The following DOCK3 variants were observed in gnomAD, a reference collection of about 807,000 sequenced individuals.
DOCK3 encodes the protein dedicator of cytokinesis 3, also known as dedicator of cytokinesis protein 3.
Under a neutral mutation model 265.6 loss-of-function variants are expected in DOCK3, and 60 were observed. That is an observed-to-expected ratio of 0.23 (90% CI 0.18 to 0.28). The LOEUF (loss-of-function observed/expected upper bound fraction) is 0.28. Among genes scored for constraint, DOCK3 ranks in the 10% least tolerant of loss-of-function variants. The pLI is 1.00. For missense variants in DOCK3, 1,981 were observed against 2,594.3 expected (o/e 0.76, Z 5.14); for synonymous variants, 881 against 938.0 (o/e 0.94, Z 1.11).
intron 5 of DOCK3, among the ~76,000 whole-genome samples, chr3:50,975,985 G>A (rs2077435386): frequency 6.6e-6 from 1 of 150,866 alleles, no homozygotes; most frequent in African/African-American, 2.4e-5. Flanking sequence ...GATCGGTGGT[G>A]ATATCCCCTT....
intron 23 of DOCK3, among the ~76,000 whole-genome samples, chr3:51,263,937 A>G (rs1320239882): frequency 6.6e-6 from 1 of 152,174 alleles, no homozygotes; most frequent in Non-Finnish European, 1.5e-5. Flanking sequence ...GAGTCCAATA[A>G]AGAGACTTAG....
intron 5 of DOCK3, among the ~76,000 whole-genome samples, chr3:51,061,847 C>T (rs958681327): frequency 6.6e-6 from 1 of 152,174 alleles, no homozygotes; most frequent in Non-Finnish European, 1.5e-5. Context: ...TTCCTAACCT[C>T]TGAATGTTGG....
chr3:51,220,683 A>ATGTGTGTGTG (rs1289851107), intron 14 of DOCK3, among the ~76,000 whole-genome samples: 1 of 37,956 alleles, frequency 2.6e-5, no homozygotes, highest in Non-Finnish European at 6.5e-5. Flanking sequence ...ATATATATAT[A>ATGTGTGTGTG]TATATGTGTG....
chr3:50,682,298 T>C (rs1217410314), intron 1 of DOCK3, among the ~76,000 whole-genome samples: 2 of 152,242 alleles, frequency 1.3e-5, no homozygotes, highest in African/African-American at 4.8e-5. Context: ...TTCTTCTGTT[T>C]GTACTTAACT....
chr3:51,025,278 G>T (rs2079766327), intron 5 of DOCK3, among the ~76,000 whole-genome samples: 1 of 152,144 alleles, frequency 6.6e-6, no homozygotes, highest in African/African-American at 2.4e-5. Context: ...GTGGTTCTCA[G>T]GTCGCTGGGG....
chr3:51,080,777 G>A (rs1279754007), intron 7 of DOCK3, among the ~76,000 whole-genome samples: 1 of 152,122 alleles, frequency 6.6e-6, no homozygotes, highest in African/African-American at 2.4e-5. Flanking sequence ...ATCTACTTGA[G>A]AAAAATGGCT....
intron 1 of DOCK3, among the ~76,000 whole-genome samples, chr3:50,732,337 G>C (rs1461920998): frequency 6.6e-6 from 1 of 151,852 alleles, no homozygotes; most frequent in Non-Finnish European, 1.5e-5. Flanking sequence ...TGGGTTGATA[G>C]GTGCAGCAAA....
chr3:51,291,801 G>A (rs1286349083), intron 27 of DOCK3, among the ~76,000 whole-genome samples: 2 of 152,126 alleles, frequency 1.3e-5, no homozygotes, highest in African/African-American at 2.4e-5. Flanking sequence ...ACAAGAAAAG[G>A]AAGCTATAGG....
intron 12 of DOCK3, among the ~76,000 whole-genome samples, chr3:51,184,798 G>C (rs1576346169): frequency 6.6e-6 from 1 of 152,240 alleles, no homozygotes; most frequent in East Asian, 1.9e-4. Context: ...AGGGGGCTGA[G>C]GGAAACTACA....
chr3:51,298,655 A>G (rs1418293903), intron 27 of DOCK3, among the ~76,000 whole-genome samples: 2 of 152,198 alleles, frequency 1.3e-5, no homozygotes, highest in Non-Finnish European at 2.9e-5. Context: ...AAGTGAGAAC[A>G]TACAGTATTT....
At chr3:50,754,157 CAAAA>C (rs71084110) in intron 1 of DOCK3, among the ~76,000 whole-genome samples, 1 of 61,572 alleles carries the variant, frequency 1.6e-5, no homozygotes. Context: ...GACTCTGTCT[CAAAA>C]AAAAAAAAAA....
intron 2 of DOCK3, among the ~76,000 whole-genome samples, chr3:50,812,494 T>C (rs1196360398): frequency 1.3e-5 from 2 of 152,178 alleles, no homozygotes; most frequent in Non-Finnish European, 2.9e-5. Context: ...ATAAAAGATA[T>C]TATGGAGACT....
chr3:51,257,648 G>T (rs1320248347), intron 22 of DOCK3, among the ~76,000 whole-genome samples: 3 of 152,100 alleles, frequency 2.0e-5, no homozygotes, highest in Non-Finnish European at 4.4e-5. Flanking sequence ...GGGCACGGTG[G>T]ATCTTCTTGG....
intron 1 of DOCK3, among the ~76,000 whole-genome samples, chr3:50,685,023 T>G (rs551770351): frequency 8.2e-6 from 1 of 121,898 alleles, no homozygotes; most frequent in African/African-American, 2.7e-5. Context: ...ATCTTTTTAG[T>G]TTTTTTTTTA....
At chr3:51,288,878 TTGTG>T (rs1013817230) in intron 27 of DOCK3, among the ~76,000 whole-genome samples, 3 of 149,280 alleles carry the variant, frequency 2.0e-5, no homozygotes, top group Non-Finnish European at 3.0e-5. Flanking sequence ...AGAGGGGTGT[TTGTG>T]TGGGTGTGTG....
At chr3:50,700,822 T>G (rs186754463) in intron 1 of DOCK3, among the ~76,000 whole-genome samples, 1 of 152,324 alleles carries the variant, frequency 6.6e-6, no homozygotes, top group Non-Finnish European at 1.5e-5. Context: ...CTAGACCATA[T>G]GGAAGTTCTG....
At chr3:51,100,972 AT>A (rs879864917) in intron 9 of DOCK3, among the ~76,000 whole-genome samples, 113 of 140,814 alleles carry the variant, frequency 8.0e-4, no homozygotes, top group Admixed American at 1.6e-3. Context: ...TTAAAAAAAA[AT>A]TTTTTTTTTT....
At chr3:50,784,517 T>C (rs140860773) in intron 2 of DOCK3, among the ~76,000 whole-genome samples, 1 of 152,286 alleles carries the variant, frequency 6.6e-6, no homozygotes, top group African/African-American at 2.4e-5. Context: ...CCATATGAAT[T>C]GTAGATTTGT....
At chr3:51,275,760 C>T (rs1258175955) in intron 25 of DOCK3, among the ~76,000 whole-genome samples, 1 of 152,002 alleles carries the variant, frequency 6.6e-6, no homozygotes, top group African/African-American at 2.4e-5. Context: ...TTGCTTTTAC[C>T]CATTTTCTTT....
Sources: allele counts gnomAD v4.1 joint callset (sites outside exome capture counted in the v4.1 genomes callset), GRCh38; gene constraint gnomAD v4.1.1; transcripts MANE v1.5; gene names NCBI Gene and HGNC (gene_info 2026-07-23, HGNC 2026-07-21).